The following ULK4 variants were observed in gnomAD, a reference collection of about 807,000 sequenced individuals.
The protein encoded by ULK4 is inactive serine/threonine-protein kinase ULK4.
ULK4 carries 133 observed loss-of-function variants against 160.6 expected under a neutral mutation model. The observed-to-expected ratio is 0.83, with a 90% CI of 0.72 to 0.96. ULK4 has a LOEUF of 0.96. ULK4 is among the 40% of genes least tolerant of loss of function. ULK4 has a pLI of 0.00. For missense variants in ULK4, 1,580 were observed against 1,499.5 expected, an observed-to-expected ratio of 1.05 and a Z score of -0.89; for synonymous variants, 534 against 539.8, an observed-to-expected ratio of 0.99 and a Z score of 0.15.
At chr3:41,869,104 C>T (rs1446467458) in intron 17 of ULK4, 1 of 151,966 alleles carries the variant, frequency 6.6e-6, no homozygotes, top group Non-Finnish European at 1.5e-5. Flanking sequence ...CCAAGTATTC[C>T]TTTTTATCTC....
intron 31 of ULK4, among the ~76,000 whole-genome samples, chr3:41,592,663 C>T (rs929128350): frequency 3.3e-5 from 5 of 152,068 alleles, no homozygotes; most frequent in African/African-American, 1.2e-4. Context: ...AAATAGCAAA[C>T]CTAACACTTT....
chr3:41,522,322 T>C (rs2085960110), intron 32 of ULK4, among the ~76,000 whole-genome samples: 1 of 152,000 alleles, frequency 6.6e-6, no homozygotes, highest in Non-Finnish European at 1.5e-5. Flanking sequence ...GTATTTTTAG[T>C]AGAGACGGGG....
chr3:41,390,305 T>C (rs1344170016), intron 35 of ULK4, among the ~76,000 whole-genome samples: 1 of 152,144 alleles, frequency 6.6e-6, no homozygotes, highest in African/African-American at 2.4e-5. Context: ...TTGTTGATCT[T>C]TTCAAAAACT....
At chr3:41,766,490 C>T (rs2039166372) in intron 21 of ULK4, 1 of 152,222 alleles carries the variant, frequency 6.6e-6, no homozygotes, top group African/African-American at 2.4e-5. Context: ...AGCCTTTCAC[C>T]TCATACCAAT....
At chr3:41,534,445 A>T (rs933829954) in intron 32 of ULK4, among the ~76,000 whole-genome samples, 1 of 152,026 alleles carries the variant, frequency 6.6e-6, no homozygotes, top group African/African-American at 2.4e-5. Flanking sequence ...ATATTTTTCA[A>T]ATATAAAGAA....
At chr3:41,779,980 T>G (rs1575695781) in intron 21 of ULK4, among the ~76,000 whole-genome samples, 1 of 63,480 alleles carries the variant, frequency 1.6e-5, no homozygotes, top group African/African-American at 1.1e-4. Context: ...AAACTTAGAG[T>G]ATAATAAAAA....
At chr3:41,680,646 C>T (rs2035894351) in intron 29 of ULK4, among the ~76,000 whole-genome samples, 1 of 152,090 alleles carries the variant, frequency 6.6e-6, no homozygotes, top group Non-Finnish European at 1.5e-5. Context: ...TTACTATGAT[C>T]ATTAATTTTT....
At chr3:41,809,823 C>G (rs1181914354) in intron 19 of ULK4, among the ~76,000 whole-genome samples, 2 of 151,986 alleles carry the variant, frequency 1.3e-5, no homozygotes, top group African/African-American at 4.8e-5. Flanking sequence ...CATGTAATTT[C>G]TAAAATCGAC....
At chr3:41,474,948 A>T (rs1180525200) in intron 32 of ULK4, among the ~76,000 whole-genome samples, 1 of 152,120 alleles carries the variant, frequency 6.6e-6, no homozygotes, top group East Asian at 1.9e-4. Flanking sequence ...TTAAAAAATT[A>T]AAAACAGAAT....
At chr3:41,327,282 A>T (rs1225774655) in intron 35 of ULK4, among the ~76,000 whole-genome samples, 1 of 152,100 alleles carries the variant, frequency 6.6e-6, no homozygotes, top group Non-Finnish European at 1.5e-5. Flanking sequence ...TACTTTCAGG[A>T]GCAAATTACA....
intron 12 of ULK4, among the ~76,000 whole-genome samples, chr3:41,903,333 C>T (rs551907472): frequency 1.3e-5 from 2 of 152,162 alleles, no homozygotes; most frequent in Non-Finnish European, 2.9e-5. Flanking sequence ...ACCTGCAATC[C>T]CAGCACTTTG....
rs557448698 is a variant in ULK4 at position 41,820,514 on chromosome 3, G to A, written c.1765-1008C>T. ...ATGCAGCTGGAGGCCATTATCCTAA[G>A]CAAATTGAAGCAAGAACAGAAAATC... On this transcript the variant is annotated intron_variant, in intron 18 of 36. Coordinates refer to ENST00000301831, the MANE Select transcript of ULK4 (RefSeq NM_017886.4). 1.2e-3 allele frequency among the ~76,000 whole-genome samples: 190 copies of A among 152,260 alleles called. 1 individual carries two copies. The highest frequency in any genetic ancestry group is 4.2e-3 in the African/African-American group (176 of 41,538).
intron 34 of ULK4, among the ~76,000 whole-genome samples, chr3:41,402,672 C>T (rs970798020): frequency 3.9e-5 from 6 of 152,040 alleles, no homozygotes; most frequent in Non-Finnish European, 7.4e-5. Context: ...ATTTATGTTT[C>T]AATGTTAAAC....
At chr3:41,254,483 G>C (rs761016194) in intron 35 of ULK4, among the ~76,000 whole-genome samples, 5 of 152,144 alleles carry the variant, frequency 3.3e-5, no homozygotes, top group Admixed American at 6.6e-5. Flanking sequence ...ATCTGGAAGG[G>C]GGCTAAAGCA....
intron 34 of ULK4, among the ~76,000 whole-genome samples, chr3:41,421,858 T>C (rs774793618): frequency 2.0e-5 from 3 of 152,188 alleles, no homozygotes; most frequent in Non-Finnish European, 4.4e-5. Context: ...AAATTTTGAA[T>C]GCACACGTAA....
chr3:41,295,741 C>T (rs959205030), intron 35 of ULK4, among the ~76,000 whole-genome samples: 1 of 152,020 alleles, frequency 6.6e-6, no homozygotes, highest in Non-Finnish European at 1.5e-5. Context: ...CACTACACAC[C>T]TTTTAGAATG....
chr3:41,574,485 G>A lies in ULK4; in HGVS notation c.3121-8355C>T, dbSNP rs192990380. 2.6e-3 allele frequency among the ~76,000 whole-genome samples: 392 copies of A among 148,850 alleles called. 2 individuals are homozygous for A. Among genetic ancestry groups the A allele is most frequent in the Admixed American group, 9.1e-3 (135 of 14,830 alleles). Reference sequence around the variant, plus strand: ...AGCAGGGACCACAGTCTCCTAATGGGTGTCTCTACTTCCAGCTTCACCTCC... The same window carrying A: ...AGCAGGGACCACAGTCTCCTAATGGATGTCTCTACTTCCAGCTTCACCTCC... On this transcript the variant is annotated intron_variant, in intron 31 of 36. Coordinates refer to ENST00000301831, the MANE Select transcript of ULK4 (RefSeq NM_017886.4).
chr3:41,536,422 G>T (rs990551360), intron 32 of ULK4, among the ~76,000 whole-genome samples: 1 of 152,028 alleles, frequency 6.6e-6, no homozygotes, highest in Non-Finnish European at 1.5e-5. Flanking sequence ...GAAAAATGCA[G>T]GCGTTAAAGA....
intron 29 of ULK4, among the ~76,000 whole-genome samples, chr3:41,671,201 C>T (rs1203185523): frequency 6.6e-6 from 1 of 151,924 alleles, no homozygotes; most frequent in African/African-American, 2.4e-5. Flanking sequence ...ATGAAAATAC[C>T]AAGGTCATTT....
Sources: allele counts gnomAD v4.1 joint callset (sites outside exome capture counted in the v4.1 genomes callset), GRCh38; gene constraint gnomAD v4.1.1; transcripts MANE v1.5; gene names NCBI Gene and HGNC (gene_info 2026-07-23, HGNC 2026-07-21).